The following SNTG2 variants were observed in gnomAD, a reference collection of about 807,000 sequenced individuals.
SNTG2 encodes the protein gamma-2-syntrophin.
A neutral mutation model predicts 70.9 loss-of-function variants in SNTG2; 74 were observed. The ratio of observed to expected loss-of-function variants is 1.04; its 90% CI spans 0.86 to 1.27. SNTG2 has a LOEUF of 1.27. SNTG2 is among the 50% of genes most tolerant of loss of function. The pLI is 0.00. For synonymous variants in SNTG2, 278 were observed against 273.8 expected, an observed-to-expected ratio of 1.02 and a Z score of -0.15; for missense variants, 717 against 690.7, an observed-to-expected ratio of 1.04 and a Z score of -0.43.
chr2:1,277,954 C>T (rs892406984), intron 14 of SNTG2, among the ~76,000 whole-genome samples: 9 of 152,320 alleles, frequency 5.9e-5, no homozygotes, highest in African/African-American at 2.2e-4. Flanking sequence ...GGGAAGATAA[C>T]GCTTTTCTGG....
At chr2:1,127,475 T>C (rs1288561112) in intron 4 of SNTG2, among the ~76,000 whole-genome samples, 1 of 152,176 alleles carries the variant, frequency 6.6e-6, no homozygotes, top group Non-Finnish European at 1.5e-5. Flanking sequence ...CAATTTTCTT[T>C]TTTATTTCTG....
intron 14 of SNTG2, among the ~76,000 whole-genome samples, chr2:1,292,961 A>T (rs1454718481): frequency 6.6e-6 from 1 of 152,184 alleles, no homozygotes; most frequent in Non-Finnish European, 1.5e-5. Context: ...TTCACCAGCG[A>T]AACTATCTGG....
rs1553373658 is a variant in SNTG2 at position 1,256,961 on chromosome 2, TTC to T, written c.1006-2407_1006-2406del. On this transcript the variant is annotated intron_variant, in intron 12 of 16. Transcript: ENST00000308624. ...AACAATGATGAGAAAGACCCACTTC[TTC>T]TTTTTTTTTTTTAATTAATACACTT... is the stretch of plus-strand genomic sequence containing the variant. 8.5e-3 allele frequency among the ~76,000 whole-genome samples: 1,144 copies of T among 134,476 alleles called. 9 individuals are homozygous for T. Among genetic ancestry groups the T allele is most frequent in the Non-Finnish European group, 0.013 (850 of 63,468 alleles). The allele number at this position is 134,476 out of a possible 152,430, so 88.2% of individuals were successfully genotyped here.
At chr2:1,081,274 A>G (rs1000058096) in intron 1 of SNTG2, among the ~76,000 whole-genome samples, 3 of 152,140 alleles carry the variant, frequency 2.0e-5, no homozygotes, top group Non-Finnish European at 2.9e-5. Context: ...CGTGTGTGAG[A>G]GTAAATGCGG....
At chr2:1,188,708 C>CT (rs1672395703) in intron 8 of SNTG2, among the ~76,000 whole-genome samples, 3 of 152,082 alleles carry the variant, frequency 2.0e-5, no homozygotes, top group Non-Finnish European at 4.4e-5. Context: ...ACAGTGAAAA[C>CT]TTAATCTACT....
rs1258154398 is a variant in SNTG2 at position 1,222,481 on chromosome 2, G to C, written c.719+13251G>C. On this transcript the variant is annotated intron_variant, in intron 9 of 16. Coordinates refer to ENST00000308624, the MANE Select transcript of SNTG2 (RefSeq NM_018968.4). ...AAGCTGGAGGTGCTGGATCGCTGTA[G>C]AGGAAAGTGGTGCAGTGATGGAGGG... Among the ~76,000 whole-genome samples the C allele has an allele frequency of 2.1e-5, 3 of 141,418 alleles. 1 individual carries two copies. Among genetic ancestry groups the C allele is most frequent in the Non-Finnish European group, 4.6e-5 (3 of 65,386 alleles). The allele number at this position is 141,418 out of a possible 152,430, so 92.8% of individuals were successfully genotyped here.
chr2:1,307,024 CAT>C (rs1230873890), intron 14 of SNTG2, among the ~76,000 whole-genome samples: 1 of 146,182 alleles, frequency 6.8e-6, no homozygotes. Flanking sequence ...TGGTGTGTGT[CAT>C]GTGCTGTGTG....
chr2:1,072,890 A>G (rs1312515050), intron 1 of SNTG2, among the ~76,000 whole-genome samples: 11 of 152,296 alleles, frequency 7.2e-5, no homozygotes, highest in African/African-American at 2.2e-4. Flanking sequence ...ATGGGTGACT[A>G]TGAGGGATTT....
At position 1,134,904 on chromosome 2, in the gene SNTG2, G is replaced by A. The variant is rs959671533; in HGVS notation, c.326-2718G>A. Among the ~76,000 whole-genome samples, 11 of 152,288 alleles carry A rather than the reference G, an allele frequency of 7.2e-5. No homozygotes were observed. In the East Asian group the frequency reaches 9.7e-4, roughly 13 times the overall value. ...GCTAAGGCCCCGAGAGAAATCAAGC[G>A]CAACACCGGTGGGCCAGAACTGCTG... On this transcript the variant is annotated intron_variant, in intron 4 of 16. Coordinates refer to ENST00000308624, the MANE Select transcript of SNTG2 (RefSeq NM_018968.4).
intron 14 of SNTG2, among the ~76,000 whole-genome samples, chr2:1,279,546 G>A (rs1329409707): frequency 6.6e-6 from 1 of 152,132 alleles, no homozygotes; most frequent in African/African-American, 2.4e-5. Context: ...GGGCTGTTTT[G>A]GTCTTTCTGA....
At chr2:1,267,216 G>A in intron 13 of SNTG2, 149 bp from the exon 14 acceptor site, 1 of 661,800 alleles carries the variant, frequency 1.5e-6, no homozygotes, top group South Asian at 1.9e-5. Flanking sequence ...TGCATGAGAG[G>A]GCTCATTGCT....
intron 11 of SNTG2, among the ~76,000 whole-genome samples, chr2:1,240,541 G>A (rs1359222116): frequency 6.6e-6 from 1 of 152,194 alleles, no homozygotes; most frequent in Non-Finnish European, 1.5e-5. Flanking sequence ...AGGGGCGTAA[G>A]GAAGCATGCA....
At chr2:1,339,502 C>T (rs555234011) in intron 16 of SNTG2, among the ~76,000 whole-genome samples, 1 of 152,300 alleles carries the variant, frequency 6.6e-6, no homozygotes, top group South Asian at 2.1e-4. Context: ...CTTGAATTCT[C>T]ACTTCAGTTC....
At chr2:1,101,251 A>G (rs1341705378) in intron 4 of SNTG2, among the ~76,000 whole-genome samples, 1 of 151,286 alleles carries the variant, frequency 6.6e-6, no homozygotes, top group Admixed American at 6.6e-5. Flanking sequence ...GCCTGTCTCC[A>G]TCCTCACCAC....
At chr2:965,404 C>CTTGTTTCCT (rs1017732802) in intron 1 of SNTG2, among the ~76,000 whole-genome samples, 1 of 150,356 alleles carries the variant, frequency 6.7e-6, no homozygotes, top group Non-Finnish European at 1.5e-5. Context: ...TCCTTGGACC[C>CTTGTTTCCT]TTGTTTCTCC....
chr2:959,753 T>C (rs1165312501), intron 1 of SNTG2, among the ~76,000 whole-genome samples: 1 of 151,056 alleles, frequency 6.6e-6, no homozygotes, highest in Admixed American at 6.6e-5. Flanking sequence ...AGGGAACCTT[T>C]GGGGATGTGA....
chr2:1,318,853 G>A (rs1681404047), intron 16 of SNTG2, among the ~76,000 whole-genome samples: 1 of 152,200 alleles, frequency 6.6e-6, no homozygotes, highest in Admixed American at 6.5e-5. Flanking sequence ...GGTGCCGGAG[G>A]TCTACGGTGG....
At chr2:1,038,494 C>T (rs776387036) in intron 1 of SNTG2, among the ~76,000 whole-genome samples, 4 of 152,184 alleles carry the variant, frequency 2.6e-5, no homozygotes, top group Non-Finnish European at 5.9e-5. Context: ...CATAGCCCCT[C>T]CTACAGTTCT....
At chr2:1,147,877 A>C (rs1249913490) in intron 6 of SNTG2, among the ~76,000 whole-genome samples, 2 of 152,378 alleles carry the variant, frequency 1.3e-5, no homozygotes, top group East Asian at 1.9e-4. Flanking sequence ...TGCTGCTAAT[A>C]ACCATTAATT....
Sources: gnomAD v4.1 joint callset for allele counts (sites outside exome capture counted in the v4.1 genomes callset) on GRCh38, gnomAD v4.1.1 for gene constraint, MANE v1.5 for transcripts, NCBI Gene and HGNC (gene_info 2026-07-23, HGNC 2026-07-21) for gene names.